PARD3: variants seen among roughly 807,000 people sequenced by gnomAD.
PARD3 encodes partitioning defective 3 homolog.
Under a neutral mutation model 155.4 loss-of-function variants are expected in PARD3, and 75 were observed. The ratio of observed to expected loss-of-function variants is 0.48; its 90% confidence interval spans 0.40 to 0.58. PARD3 has a LOEUF of 0.58. Among genes scored for constraint, PARD3 ranks in the 20% least tolerant of loss-of-function variants. The pLI is 0.00. For missense variants in PARD3, 1,642 were observed against 1,721.7 expected (o/e 0.95, Z 0.82); for synonymous variants, 576 against 610.5 (o/e 0.94, Z 0.83).
chr10:34,500,514 G>T (rs556298968), intron 3 of PARD3, among the ~76,000 whole-genome samples: 3 of 152,148 alleles, frequency 2.0e-5, no homozygotes, highest in Admixed American at 1.3e-4. Flanking sequence ...GGTCAAGGCA[G>T]GCAGATCACC....
chr10:34,304,739 A>C (rs1957320242), intron 20 of PARD3, among the ~76,000 whole-genome samples: 1 of 152,232 alleles, frequency 6.6e-6, no homozygotes, highest in South Asian at 2.1e-4. Context: ...GGCTAAAATT[A>C]GTACCTTATA....
At chr10:34,319,038 C>T (rs1017125190) in intron 19 of PARD3, among the ~76,000 whole-genome samples, 6 of 150,466 alleles carry the variant, frequency 4.0e-5, no homozygotes, top group African/African-American at 7.3e-5. Flanking sequence ...CTCGGCCTCC[C>T]AAAGTGCTGG....
intron 22 of PARD3, among the ~76,000 whole-genome samples, chr10:34,217,225 T>C (rs1952043012): frequency 6.6e-6 from 1 of 152,032 alleles, no homozygotes; most frequent in African/African-American, 2.4e-5. Flanking sequence ...TCTCACTTGC[T>C]TGTTCTTGCG....
At chr10:34,813,468 A>C (rs997164304) in intron 1 of PARD3, among the ~76,000 whole-genome samples, 1 of 152,192 alleles carries the variant, frequency 6.6e-6, no homozygotes, top group Non-Finnish European at 1.5e-5. Flanking sequence ...CAGCTTTGCA[A>C]GATAAACAGG....
At chr10:34,197,875 G>A (rs970096076) in intron 22 of PARD3, among the ~76,000 whole-genome samples, 21 of 152,236 alleles carry the variant, frequency 1.4e-4, no homozygotes, top group Non-Finnish European at 2.4e-4. Context: ...GACTACAGGC[G>A]CACGCCACCA....
rs574102046 is a variant in PARD3 at position 34,307,015 on chromosome 10, T to A, written c.3065+10092A>T. ...CATTCTCCTGCCTCAGCCTCCCAAG[T>A]AGCTGGGACTACAGGCACCCGCCAC... On this transcript the variant is annotated intron_variant, in intron 20 of 24. Coordinates refer to ENST00000374788, the MANE Select transcript of PARD3 (RefSeq NM_001184785.2). 1.9e-4 allele frequency among the ~76,000 whole-genome samples: 29 copies of A among 151,636 alleles called. No individual in the cohort carries two copies. In the East Asian group the frequency reaches 5.3e-3, roughly 28 times the overall value.
intron 22 of PARD3, among the ~76,000 whole-genome samples, chr10:34,213,887 CT>C (rs925232377): frequency 1.3e-5 from 2 of 151,866 alleles, no homozygotes; most frequent in South Asian, 4.2e-4. Flanking sequence ...TATATTAATT[CT>C]TTTTTTTGTT....
chr10:34,664,750 T>A (rs2093408874), intron 2 of PARD3, among the ~76,000 whole-genome samples: 1 of 152,182 alleles, frequency 6.6e-6, no homozygotes, highest in Admixed American at 6.5e-5. Context: ...CCTCCCAAAG[T>A]GCTGAGATTA....
intron 22 of PARD3, among the ~76,000 whole-genome samples, chr10:34,262,915 T>A (rs945241054): frequency 3.3e-5 from 5 of 152,232 alleles, no homozygotes; most frequent in African/African-American, 1.2e-4. Context: ...AGAAGCCATC[T>A]GGAATGCCTT....
intron 1 of PARD3, among the ~76,000 whole-genome samples, chr10:34,763,728 G>A (rs535048636): frequency 1.3e-5 from 2 of 152,232 alleles, no homozygotes; most frequent in South Asian, 4.2e-4. Flanking sequence ...GGGTACTCAG[G>A]AGAGACGGCA....
intron 1 of PARD3, among the ~76,000 whole-genome samples, chr10:34,756,150 CTTTTTTT>C (rs58993670): frequency 3.2e-5 from 3 of 94,560 alleles, no homozygotes; most frequent in South Asian, 4.0e-4. Flanking sequence ...AAAAATGCAC[CTTTTTTT>C]TTTTTTTTTT....
chr10:34,574,165 T>C (rs2086700909), intron 2 of PARD3, among the ~76,000 whole-genome samples: 1 of 152,176 alleles, frequency 6.6e-6, no homozygotes, highest in African/African-American at 2.4e-5. Flanking sequence ...CTAAGAATTT[T>C]ATTGTAGGAT....
intron 1 of PARD3, among the ~76,000 whole-genome samples, chr10:34,704,086 G>A (rs571891981): frequency 1.3e-5 from 2 of 152,284 alleles, no homozygotes; most frequent in South Asian, 2.1e-4. Context: ...ATTCCAGGAC[G>A]TCAGCTGCAA....
intron 2 of PARD3, among the ~76,000 whole-genome samples, chr10:34,560,999 A>G (rs1397911904): frequency 6.6e-6 from 1 of 152,188 alleles, no homozygotes; most frequent in Non-Finnish European, 1.5e-5. Flanking sequence ...TAAGCTTTTA[A>G]AGCAAAAAGA....
At chr10:34,336,063 C>T in intron 18 of PARD3, 136 bp downstream of exon 18, 1 of 604,172 alleles carries the variant, frequency 1.7e-6, no homozygotes, top group Non-Finnish European at 2.9e-6. Flanking sequence ...TTATGTAATT[C>T]AATTTCTCAC....
intron 2 of PARD3, among the ~76,000 whole-genome samples, chr10:34,557,950 AAAAG>A (rs1420938053): frequency 4.0e-5 from 6 of 151,802 alleles, no homozygotes; most frequent in African/African-American, 9.7e-5. Context: ...AAAAAAAAAA[AAAAG>A]AAAGAAAGAA....
At chr10:34,406,263 T>A (rs537513120) in intron 5 of PARD3, among the ~76,000 whole-genome samples, 3 of 152,186 alleles carry the variant, frequency 2.0e-5, no homozygotes, top group Non-Finnish European at 4.4e-5. Flanking sequence ...AGATCAAGCA[T>A]GAAAGATAAA....
Position 34,311,170 on chromosome 10 carries a change from A to G in PARD3, c.3065+5937T>C, listed in dbSNP as rs145235545. On this transcript the variant is annotated intron_variant, in intron 20 of 24. Transcript: ENST00000374788. ...GAGGGTAGAACTGCAAACTGCTTTCAAGTCAGAGCAGAGGTCAAGCCTTCT... is the reference window on the plus strand; with the variant it reads ...GAGGGTAGAACTGCAAACTGCTTTCGAGTCAGAGCAGAGGTCAAGCCTTCT... 4.4e-3 allele frequency among the ~76,000 whole-genome samples: 667 copies of G among 152,324 alleles called. 3 individuals carry two copies. Among genetic ancestry groups the G allele is most frequent in the African/African-American group, 0.015 (641 of 41,568 alleles).
chr10:34,374,410 T>A (rs1841009657), intron 11 of PARD3, among the ~76,000 whole-genome samples: 1 of 152,178 alleles, frequency 6.6e-6, no homozygotes, highest in Non-Finnish European at 1.5e-5. Flanking sequence ...TAATAATAAT[T>A]TTTTTAAAAA....
Sources: gnomAD v4.1 joint callset for allele counts (sites outside exome capture counted in the v4.1 genomes callset) on GRCh38, gnomAD v4.1.1 for gene constraint, MANE v1.5 for transcripts, NCBI Gene and HGNC (gene_info 2026-07-23, HGNC 2026-07-21) for gene names.